MYO5B: variants seen among roughly 807,000 people sequenced by gnomAD.
MYO5B encodes the protein myosin VB.
Under a neutral mutation model 229.3 loss-of-function variants are expected in MYO5B, and 143 were observed. The ratio of observed to expected loss-of-function variants is 0.62; its 90% CI spans 0.54 to 0.72. The LOEUF (loss-of-function observed/expected upper bound fraction) is 0.72, where lower values mean the gene tolerates loss of function less well. Ranked by LOEUF, MYO5B falls within the 30% of genes least tolerant of loss-of-function variation. The pLI, the probability that MYO5B is intolerant of heterozygous loss-of-function variation, is 0.00. For missense variants in MYO5B, 2,321 were observed against 2,331.0 expected (o/e 1.00, Z 0.09); for synonymous variants, 918 against 885.2 (o/e 1.04, Z -0.66).
chr18:49,992,349 T>C lies in MYO5B; in HGVS notation c.695A>G (p.Tyr232Cys). The change falls in exon 6 of 40, where the codon TAC becomes TGC. Residue 232 changes from tyrosine to cysteine, a missense_variant. By Grantham distance (194) the Tyr-to-Cys change is radical. This residue lies in a region of MYO5B where 2,113 missense variants were observed against 2,044.7 expected (regional missense o/e 1.03). Transcript: ENST00000285039. ...CCTCATGTTGGCCCCGATGATGTGG[T>C]ACCTTTTGTCAAAGCCAATCTGGAT... ...KYIQIGFDKR[Y>C]HIIGANMRTY... The C allele has an allele frequency of 6.2e-7, 1 of 1,614,178 alleles. No homozygotes were observed. The highest frequency in any genetic ancestry group is 8.5e-7 in the Non-Finnish European group (1 of 1,180,020).
At chr18:49,888,788 T>C (rs2024675690) in intron 22 of MYO5B, among the ~76,000 whole-genome samples, 1 of 152,248 alleles carries the variant, frequency 6.6e-6, no homozygotes, top group African/African-American at 2.4e-5. Flanking sequence ...TTCCCATTCT[T>C]TACTGGTTAC....
intron 1 of MYO5B, among the ~76,000 whole-genome samples, chr18:50,183,306 CATATATATAT>C (rs71169486): frequency 0.026 from 2,883 of 109,950 alleles, 183 homozygotes; most frequent in African/African-American, 0.074. Context: ...TCAATTTTAT[CATATATATAT>C]ATATATATAT....
At chr18:49,875,922 T>A in intron 25 of MYO5B, 95 bp from the exon 26 acceptor site, 1 of 1,407,672 alleles carries the variant, frequency 7.1e-7, no homozygotes, top group East Asian at 2.3e-5. Context: ...ATCAGCCATC[T>A]GTCTCCTCTC....
intron 32 of MYO5B, among the ~76,000 whole-genome samples, 193 bp from the exon 33 acceptor site, chr18:49,847,482 C>T (rs2024144895): frequency 6.6e-6 from 1 of 152,276 alleles, no homozygotes; most frequent in Admixed American, 6.5e-5. Flanking sequence ...GAGTCTGTTC[C>T]TACAGCCAGA....
At chr18:49,987,136 C>T (rs151033279) in intron 7 of MYO5B, among the ~76,000 whole-genome samples, 170 of 152,270 alleles carry the variant, frequency 1.1e-3, no homozygotes, top group African/African-American at 3.8e-3. Flanking sequence ...ATAGACACCC[C>T]GCCTTCCGAG....
chr18:49,957,109 C>G (rs570828239), intron 12 of MYO5B, among the ~76,000 whole-genome samples: 5 of 132,132 alleles, frequency 3.8e-5, no homozygotes, highest in African/African-American at 1.4e-4. Flanking sequence ...TACATTAGAC[C>G]TGATTCCACT....
chr18:49,830,250 T>G (rs559494913), intron 39 of MYO5B, among the ~76,000 whole-genome samples: 1 of 151,970 alleles, frequency 6.6e-6, no homozygotes, highest in Non-Finnish European at 1.5e-5. Context: ...TTCTATTCAC[T>G]AGTAATGAAT....
chr18:50,071,115 T>C (rs1193719336), intron 1 of MYO5B, among the ~76,000 whole-genome samples: 1 of 152,194 alleles, frequency 6.6e-6, no homozygotes, highest in Non-Finnish European at 1.5e-5. Context: ...TGGGCCACCA[T>C]GCCCAGCACT....
Position 49,927,434 on chromosome 18 carries a change from A to AAAC in MYO5B, c.2090+2077_2090+2078insGTT, listed in dbSNP as rs527294916. ...TGCCAAAGCAAGACTAGCAAAAACA[A>AAAC]AAAAACAAAACAAAACAAAACAAAA... On this transcript the variant is annotated intron_variant, in intron 17 of 39. Transcript: ENST00000285039. 3.4e-3 allele frequency among the ~76,000 whole-genome samples: 481 copies of AAAC among 140,364 alleles called. 4 individuals are homozygous for AAAC. Among genetic ancestry groups the AAAC allele is most frequent in the African/African-American group, 0.012 (411 of 33,132 alleles). The allele number at this position is 140,364 out of a possible 152,430, so 92.1% of individuals were successfully genotyped here.
intron 1 of MYO5B, among the ~76,000 whole-genome samples, chr18:50,155,657 A>G (rs1483975361): frequency 6.6e-6 from 1 of 152,212 alleles, no homozygotes. Context: ...TTCCTCTACC[A>G]GAGTAGATGC....
chr18:49,828,924 C>G (rs2023880886), intron 39 of MYO5B, among the ~76,000 whole-genome samples: 1 of 150,192 alleles, frequency 6.7e-6, no homozygotes, highest in Non-Finnish European at 1.5e-5. Flanking sequence ...AAAAAAAAAT[C>G]TCAAATCAAT....
chr18:49,854,600 A>T (rs1173562134), intron 30 of MYO5B, among the ~76,000 whole-genome samples: 1 of 152,198 alleles, frequency 6.6e-6, no homozygotes, highest in East Asian at 1.9e-4. Flanking sequence ...CTGTACTGTA[A>T]AGAGCTTCCA....
At chr18:50,165,722 G>A (rs2032839209) in intron 1 of MYO5B, among the ~76,000 whole-genome samples, 1 of 152,144 alleles carries the variant, frequency 6.6e-6, no homozygotes, top group Admixed American at 6.5e-5. Context: ...GTTGCAGTGA[G>A]CTGAGATCGT....
chr18:50,178,476 T>C (rs1447185221), intron 1 of MYO5B, among the ~76,000 whole-genome samples: 5 of 152,202 alleles, frequency 3.3e-5, no homozygotes, highest in Non-Finnish European at 1.5e-5. Context: ...TGCATAAACA[T>C]AGCCCAGCAG....
intron 1 of MYO5B, among the ~76,000 whole-genome samples, chr18:50,123,204 G>A (rs561502804): frequency 6.6e-6 from 1 of 152,278 alleles, no homozygotes; most frequent in Non-Finnish European, 1.5e-5. Flanking sequence ...CATATTATAT[G>A]ATTCCATTTA....
rs532155109 is a variant in MYO5B, at chr18:50,111,227, C to T, written c.28-55849G>A. Among the ~76,000 whole-genome samples the T allele has an allele frequency of 2.4e-4, 37 of 152,336 alleles. No individual in the cohort carries two copies. The South Asian group carries it at 4.4e-3, about 18-fold the overall frequency. ...TCAGAGGTATGTAATGAGGCCAGCA[C>T]TGAGGGTTGCACTGCCATCATTTAT... On this transcript the variant is annotated intron_variant, in intron 1 of 39. Transcript: ENST00000285039.
At chr18:50,193,619 TACCCACGCAACGCGCGTGGAC>T (rs2033258183) in intron 1 of MYO5B, among the ~76,000 whole-genome samples, 1 of 152,180 alleles carries the variant, frequency 6.6e-6, no homozygotes, top group Admixed American at 6.5e-5. Context: ...GGGAATCGCA[TACCCACGCAACGCGCGTGGAC>T]ACCACACGCA....
chr18:50,103,691 T>A (rs1347491807), intron 1 of MYO5B, among the ~76,000 whole-genome samples: 1 of 152,130 alleles, frequency 6.6e-6, no homozygotes. Context: ...CAGTGAGCTA[T>A]GATTATACCA....
intron 3 of MYO5B, among the ~76,000 whole-genome samples, chr18:50,039,376 G>C (rs1244349614): frequency 6.6e-6 from 1 of 152,156 alleles, no homozygotes; most frequent in East Asian, 1.9e-4. Context: ...TTGTCACCCA[G>C]GCTGGAGTGC....
Sources: allele counts gnomAD v4.1 joint callset (sites outside exome capture counted in the v4.1 genomes callset), GRCh38; gene constraint gnomAD v4.1.1; regional missense constraint gnomAD v4.1.1; transcripts MANE v1.5; gene names NCBI Gene and HGNC (gene_info 2026-07-23, HGNC 2026-07-21).